The following PCNX4 variants were observed in gnomAD, a reference collection of about 807,000 sequenced individuals.
PCNX4 encodes pecanex 4.
In PCNX4, 103 loss-of-function variants were observed where a neutral mutation model predicts 107.2. The ratio of observed to expected loss-of-function variants is 0.96; its 90% CI spans 0.82 to 1.13. The LOEUF (loss-of-function observed/expected upper bound fraction) is 1.13, where lower values mean the gene tolerates loss of function less well. PCNX4 is among the 50% of genes most tolerant of loss of function. The pLI is 0.00. For missense variants in PCNX4, 1,528 were observed against 1,379.4 expected, an observed-to-expected ratio of 1.11 and a Z score of -1.71; for synonymous variants, 541 against 481.7, an observed-to-expected ratio of 1.12 and a Z score of -1.61.
chr14:60,092,463 C>G (rs1595154815), intron 1 of PCNX4, 44 bp downstream of exon 1: 1 of 152,396 alleles, frequency 6.6e-6, no homozygotes, highest in East Asian at 1.9e-4. Flanking sequence ...TCTTCGGCAT[C>G]TTAATGTCCA....
chr14:60,134,270 A>T lies in PCNX4; in HGVS notation c.*49A>T. The T allele has an allele frequency of 6.3e-7, 1 of 1,586,144 alleles. No homozygotes were observed. Among genetic ancestry groups the T allele is most frequent in the Non-Finnish European group, 8.6e-7 (1 of 1,162,270 alleles). ...TCAAATGCAATGTTTTTATTTTTTCATCCTAAAAAAGTAACTGTGATTCTT... is the reference window on the plus strand; with the variant it reads ...TCAAATGCAATGTTTTTATTTTTTCTTCCTAAAAAAGTAACTGTGATTCTT... On this transcript the variant is annotated 3_prime_UTR_variant, in exon 11 of 11. Transcript: ENST00000406854.
intron 7 of PCNX4, 46 bp downstream of exon 7, chr14:60,118,738 A>C: frequency 6.7e-7 from 1 of 1,486,708 alleles, no homozygotes; most frequent in Non-Finnish European, 9.0e-7. Flanking sequence ...AATGTATTTA[A>C]AGTACAAAAA....
Position 60,144,703 on chromosome 14 carries a change from A to G in PCNX4, c.*10482A>G. ...CAAATGGACTAAGACAAATCTGTTA[A>G]CTTAGATTTTAAGCATATGTGCTAA... is the stretch of plus-strand genomic sequence containing the variant. On this transcript the variant is annotated 3_prime_UTR_variant, in exon 11 of 11. Coordinates refer to ENST00000406854, the MANE Select transcript of PCNX4 (RefSeq NM_001330177.2). The G allele has an allele frequency of 2.9e-6, 1 of 344,104 alleles. No individual in the cohort carries two copies. The highest frequency in any genetic ancestry group is 6.4e-5 in the East Asian group (1 of 15,592). 21.3% of individuals were successfully genotyped at this position (344,104 alleles called of 1,614,324 possible).
intron 1 of PCNX4, among the ~76,000 whole-genome samples, chr14:60,100,674 G>A (rs1895513381): frequency 6.6e-6 from 1 of 152,112 alleles, no homozygotes; most frequent in South Asian, 2.1e-4. Flanking sequence ...GTTAAATCTT[G>A]CCCAAATTCC....
rs574263420 is a variant in PCNX4 at position 60,115,877 on chromosome 14, G to A, written c.1458+58G>A. The A allele has an allele frequency of 2.0e-5, 31 of 1,587,240 alleles. 1 individual carries two copies. In the South Asian group the frequency reaches 3.2e-4, roughly 16 times the overall value. ...TATTGCTAAGTTTTATTGTAATTTT[G>A]TTTAATAGTTTGCTTAGATTATCTA... On this transcript the variant is annotated intron_variant, in intron 5 of 10. Coordinates refer to ENST00000406854, the MANE Select transcript of PCNX4 (RefSeq NM_001330177.2).
chr14:60,124,455 A>G lies in PCNX4; in HGVS notation c.2284A>G (p.Lys762Glu), dbSNP rs1270844659. Residue 762 changes from lysine to glutamate, a missense_variant, in exon 9 of 11, where the codon AAA becomes GAA. Transcript: ENST00000406854. ...AAAAGAATTTAAAGGTGACCTCATT[A>G]AAGTACTTGTGTGGATACTTGTTCA... ...NLKEFKGDLIKVLVWILVQYC... is the reference protein window; with the variant it reads ...NLKEFKGDLIEVLVWILVQYC... The G allele has an allele frequency of 6.2e-7, 1 of 1,613,610 alleles. No individual in the cohort carries two copies. Among genetic ancestry groups the G allele is most frequent in the Non-Finnish European group, 8.5e-7 (1 of 1,179,722 alleles).
At chr14:60,094,657 G>GCC (rs199640314) in intron 1 of PCNX4, among the ~76,000 whole-genome samples, 4,318 of 151,846 alleles carry the variant, frequency 0.028, 170 homozygotes, top group African/African-American at 0.091. Context: ...GACCCCTCCT[G>GCC]CCCATACCTA....
chr14:60,121,167 T>TTTTTTTTTTTTTTTTTTTA, intron 7 of PCNX4, 29 bp from the exon 8 acceptor site: 2 of 1,490,790 alleles, frequency 1.3e-6, no homozygotes, highest in East Asian at 2.4e-5. Context: ...TTTTCTTTTT[T>TTTTTTTTTTTTTTTTTTTA]TTTTTTTTTT....
intron 10 of PCNX4, among the ~76,000 whole-genome samples, chr14:60,132,458 T>C (rs1448711343): frequency 6.6e-6 from 1 of 151,900 alleles, no homozygotes; most frequent in Non-Finnish European, 1.5e-5. Flanking sequence ...ATTTTTAAAA[T>C]AACTCAAAAA....
chr14:60,125,978 A>C, intron 10 of PCNX4, 155 bp downstream of exon 10: 1 of 533,798 alleles, frequency 1.9e-6, no homozygotes, highest in Non-Finnish European at 3.0e-6. Flanking sequence ...TTTTTGGCTA[A>C]GCTAGATGAA....
chr14:60,121,330 T>G, intron 8 of PCNX4, 31 bp downstream of exon 8: 4 of 1,595,402 alleles, frequency 2.5e-6, no homozygotes, highest in Non-Finnish European at 3.4e-6. Flanking sequence ...TCTGTAGTAT[T>G]TTTATAGTTC....
At chr14:60,118,798 C>T in intron 7 of PCNX4, 106 bp downstream of exon 7, 1 of 1,235,700 alleles carries the variant, frequency 8.1e-7, no homozygotes, top group East Asian at 2.7e-5. Context: ...GATAGCATAA[C>T]AACCATAACA....
At chr14:60,126,829 G>T (rs901503485) in intron 10 of PCNX4, among the ~76,000 whole-genome samples, 4 of 152,184 alleles carry the variant, frequency 2.6e-5, no homozygotes, top group Admixed American at 1.3e-4. Context: ...TGAAAATACT[G>T]GGGCCTTGAT....
chr14:60,133,762 A>G (rs913231066), intron 10 of PCNX4: 73 of 659,992 alleles, frequency 1.1e-4, no homozygotes, highest in Non-Finnish European at 1.5e-4. Context: ...GGAAACTTTT[A>G]TTTAAAGAAC....
chr14:60,134,273 C>G lies in PCNX4; in HGVS notation c.*52C>G. 6.3e-7 allele frequency: 1 copy of G among 1,579,940 alleles called. No individual in the cohort carries two copies. Among genetic ancestry groups the G allele is most frequent in the Middle Eastern group, 1.7e-4 (1 of 5,930 alleles). On this transcript the variant is annotated 3_prime_UTR_variant, in exon 11 of 11. Transcript: ENST00000406854. ...AATGCAATGTTTTTATTTTTTCATCCTAAAAAAGTAACTGTGATTCTTGTA... is the reference window on the plus strand; with the variant it reads ...AATGCAATGTTTTTATTTTTTCATCGTAAAAAAGTAACTGTGATTCTTGTA...
At chr14:60,125,509 T>C (rs1248702302) in intron 9 of PCNX4, 128 bp from the exon 10 acceptor site, 6 of 805,168 alleles carry the variant, frequency 7.5e-6, no homozygotes, top group Non-Finnish European at 8.9e-6. Flanking sequence ...CATTTCTTCC[T>C]CCACTTTTTA....
chr14:60,102,529 G>T (rs1187536272), intron 1 of PCNX4, among the ~76,000 whole-genome samples: 1 of 152,072 alleles, frequency 6.6e-6, no homozygotes, highest in Non-Finnish European at 1.5e-5. Flanking sequence ...TCTTACTCTT[G>T]TGAGTAATGT....
rs897945665 is a variant in PCNX4 at position 60,116,021 on chromosome 14, G to A, written c.1539G>A (p.Trp513Ter). 1 of 1,612,598 alleles carries A rather than the reference G, an allele frequency of 6.2e-7. No homozygotes were observed. Among genetic ancestry groups the A allele is most frequent in the African/African-American group, 1.3e-5 (1 of 74,892 alleles). ...TVHLISSTDI[W>*]WNRSLDTGLR... ...ACTTGATCTCCAGTACAGACATATG[G>A]TGGAACAGAAGCCTGGATACAGGAC... The change falls in exon 6 of 11, where the codon TGG becomes TGA. Residue 513 changes from tryptophan (W) to a stop codon, truncating the protein, a stop_gained. Transcript: ENST00000406854. LOFTEE classifies it high-confidence loss of function.
chr14:60,115,512 T>C (rs1240747891), intron 4 of PCNX4, 51 bp downstream of exon 4: 32 of 1,480,254 alleles, frequency 2.2e-5, no homozygotes, highest in Non-Finnish European at 2.9e-5. Context: ...ATCCTGGAAG[T>C]ATTCAAAAAT....
Sources: gnomAD v4.1 joint callset for allele counts (sites outside exome capture counted in the v4.1 genomes callset) on GRCh38, gnomAD v4.1.1 for gene constraint, MANE v1.5 for transcripts, NCBI Gene and HGNC (gene_info 2026-07-23, HGNC 2026-07-21) for gene names.